The following PDE1C variants were observed in gnomAD, a reference collection of about 807,000 sequenced individuals.
PDE1C encodes dual specificity calcium/calmodulin-dependent 3',5'-cyclic nucleotide phosphodiesterase 1C.
In PDE1C, 62 loss-of-function variants were observed where a neutral mutation model predicts 93.1. The ratio of observed to expected loss-of-function variants is 0.67; its 90% CI spans 0.54 to 0.82. PDE1C has a LOEUF of 0.82. Ranked by LOEUF, PDE1C falls within the 40% of genes least tolerant of loss-of-function variation. The probability of loss-of-function intolerance (pLI) is 0.00; values close to 1 mark genes in which losing one functional copy is unlikely to be tolerated. For missense variants in PDE1C, 742 were observed against 884.6 expected, an observed-to-expected ratio of 0.84 and a Z score of 2.04; for synonymous variants, 325 against 310.1, an observed-to-expected ratio of 1.05 and a Z score of -0.50.
chr7:31,719,442 T>C, the PDE1C span, among the ~76,000 whole-genome samples: 1 of 152,166 alleles, frequency 6.6e-6, no homozygotes, highest in Non-Finnish European at 1.5e-5. Flanking sequence ...CAAAAAAGGA[T>C]TTTTTCCACT....
chr7:32,290,224 C>A (rs1007407662), intron 1 of PDE1C, among the ~76,000 whole-genome samples: 1 of 152,186 alleles, frequency 6.6e-6, no homozygotes, highest in African/African-American at 2.4e-5. Context: ...GAGACAGGCA[C>A]TCCAGATCCC....
chr7:32,148,545 T>C (rs893243547), intron 3 of PDE1C, among the ~76,000 whole-genome samples: 1 of 152,192 alleles, frequency 6.6e-6, no homozygotes, highest in Non-Finnish European at 1.5e-5. Flanking sequence ...TTTCAATAAC[T>C]AAATTGATCT....
chr7:31,837,753 A>C (rs980568966), intron 10 of PDE1C, 117 bp downstream of exon 10: 21 of 670,784 alleles, frequency 3.1e-5, no homozygotes, highest in Middle Eastern at 2.5e-4. Flanking sequence ...TAATCATTGC[A>C]TAAGAACACT....
At chr7:32,056,441 G>T (rs533207592) in intron 1 of PDE1C, among the ~76,000 whole-genome samples, 1 of 150,986 alleles carries the variant, frequency 6.6e-6, no homozygotes, top group South Asian at 2.1e-4. Flanking sequence ...TTTCTAAGGG[G>T]AGGCATTACA....
intron 5 of PDE1C, among the ~76,000 whole-genome samples, chr7:31,876,988 T>C (rs901105654): frequency 2.0e-5 from 3 of 152,146 alleles, no homozygotes; most frequent in Admixed American, 6.5e-5. Context: ...ATTAAATTAA[T>C]CAAGAAGCAC....
At chr7:31,665,856 G>C in the PDE1C span, among the ~76,000 whole-genome samples, 11 of 152,174 alleles carry the variant, frequency 7.2e-5, no homozygotes, top group African/African-American at 2.7e-4. Context: ...CCAGGGGGTT[G>C]AACATTAGGA....
chr7:32,001,034 G>C (rs1331146569), intron 2 of PDE1C, among the ~76,000 whole-genome samples: 1 of 151,926 alleles, frequency 6.6e-6, no homozygotes, highest in African/African-American at 2.4e-5. Context: ...GGGGAGGGTG[G>C]AGACAGCAAA....
At chr7:32,191,191 C>T (rs1377980766) in intron 2 of PDE1C, among the ~76,000 whole-genome samples, 1 of 152,116 alleles carries the variant, frequency 6.6e-6, no homozygotes, top group Non-Finnish European at 1.5e-5. Context: ...ATTGTAAATT[C>T]ACATGCAGTT....
chr7:31,937,189 A>C (rs1805202610), intron 2 of PDE1C, among the ~76,000 whole-genome samples: 1 of 152,176 alleles, frequency 6.6e-6, no homozygotes, highest in African/African-American at 2.4e-5. Flanking sequence ...CAGACCTTAA[A>C]AGACATCAGA....
In PDE1C at chr7:32,182,122, G is replaced by C. The variant is rs575967114; in HGVS notation, c.137-12166C>G. On this transcript the variant is annotated intron_variant, in intron 2 of 18. Coordinates refer to the PDE1C transcript ENST00000396193. The stretch of plus-strand genomic sequence containing the variant: ...CAGGAAGAAGTTGAATCTCTGAATA[G>C]ACCAATAACAGGCTCTGAAGTTGAG... 1.6e-4 allele frequency among the ~76,000 whole-genome samples: 24 copies of C among 152,250 alleles called. No homozygotes were observed. In the South Asian group the frequency reaches 4.6e-3, roughly 29 times the overall value.
At chr7:31,853,878 A>ATTTTTTTTTTTTTTTTTT (rs60293827) in intron 7 of PDE1C, among the ~76,000 whole-genome samples, 1 of 124,534 alleles carries the variant, frequency 8.0e-6, no homozygotes, top group South Asian at 2.6e-4. Flanking sequence ...ATGCCCAGCT[A>ATTTTTTTTTTTTTTTTTT]TTTTTTTTTT....
In PDE1C at chr7:31,809,116, T is replaced by C. The variant is rs747149146; in HGVS notation, c.1814-8A>G. ...TACCATCTTTGAAGTCACCTGAAAG[T>C]AATAAACATGACAAACAGTATATGT... is the stretch of plus-strand genomic sequence containing the variant. On this transcript the variant is annotated splice_region_variant and splice_polypyrimidine_tract_variant and intron_variant, in intron 15 of 17. Coordinates refer to ENST00000396191, the MANE Select transcript of PDE1C (RefSeq NM_001191057.4). 2.0e-6 allele frequency: 3 copies of C among 1,497,898 alleles called. No individual in the cohort carries two copies. The highest frequency in any genetic ancestry group is 2.8e-6 in the Non-Finnish European group (3 of 1,075,728). The allele number at this position is 1,497,898 out of a possible 1,614,324, so 92.8% of individuals were successfully genotyped here. A position where few individuals can be genotyped will look rare whatever the true frequency, so the allele number is the denominator to read the frequency against.
intron 1 of PDE1C, among the ~76,000 whole-genome samples, chr7:32,281,758 G>A (rs1811644184): frequency 6.6e-6 from 1 of 152,140 alleles, no homozygotes; most frequent in Non-Finnish European, 1.5e-5. Context: ...CAATAGCAAA[G>A]ACTTGGAACC....
chr7:31,887,134 C>A (rs373562609), intron 2 of PDE1C, among the ~76,000 whole-genome samples: 1 of 152,102 alleles, frequency 6.6e-6, no homozygotes, highest in East Asian at 1.9e-4. Context: ...ATACTCTGAA[C>A]AGCACAGTGT....
intron 1 of PDE1C, among the ~76,000 whole-genome samples, chr7:32,054,465 C>T (rs190787606): frequency 4.6e-5 from 7 of 152,224 alleles, no homozygotes; most frequent in African/African-American, 1.4e-4. Flanking sequence ...TTTTTAGGCC[C>T]CTTGGTCCCT....
At chr7:32,404,354 G>C (rs1195915024) in intron 1 of PDE1C, among the ~76,000 whole-genome samples, 1 of 152,028 alleles carries the variant, frequency 6.6e-6, no homozygotes, top group Admixed American at 6.6e-5. Flanking sequence ...TTTTGTTTTT[G>C]TCTTTGTTTT....
At chr7:31,706,401 T>C in the PDE1C span, among the ~76,000 whole-genome samples, 9 of 152,224 alleles carry the variant, frequency 5.9e-5, no homozygotes, top group Admixed American at 4.6e-4. Flanking sequence ...CCTTCTAACA[T>C]CTCTAAAATT....
chr7:32,344,071 T>C (rs1439715951), intron 1 of PDE1C, among the ~76,000 whole-genome samples: 1 of 152,230 alleles, frequency 6.6e-6, no homozygotes, highest in Non-Finnish European at 1.5e-5. Flanking sequence ...TAATTTTTTA[T>C]TTTTTATTTA....
chr7:32,283,224 T>C (rs565120827), intron 1 of PDE1C, among the ~76,000 whole-genome samples: 2 of 152,304 alleles, frequency 1.3e-5, no homozygotes, highest in African/African-American at 4.8e-5. Flanking sequence ...AAGAAGAATA[T>C]TCATATGAAA....
Sources: gnomAD v4.1 joint callset for allele counts (sites outside exome capture counted in the v4.1 genomes callset) on GRCh38, gnomAD v4.1.1 for gene constraint, MANE v1.5 for transcripts, NCBI Gene and HGNC (gene_info 2026-07-23, HGNC 2026-07-21) for gene names.